ADGRL3: variants seen among roughly 807,000 people sequenced by gnomAD.
ADGRL3 encodes the protein calcium-independent alpha-latrotoxin receptor 3.
ADGRL3 carries 62 observed loss-of-function variants against 153.5 expected under a neutral mutation model. That is an observed-to-expected ratio of 0.40 (90% CI 0.33 to 0.50). The LOEUF (loss-of-function observed/expected upper bound fraction) is 0.50, where lower values mean the gene tolerates loss of function less well. ADGRL3 is among the 20% of genes least tolerant of loss of function. ADGRL3 has a pLI of 0.47. For synonymous variants in ADGRL3, 710 were observed against 672.5 expected (o/e 1.06, Z -0.86); for missense variants, 1,641 against 1,859.4 (o/e 0.88, Z 2.16).
At chr4:61,462,911 G>A (rs2097841007) in intron 2 of ADGRL3, among the ~76,000 whole-genome samples, 3 of 152,248 alleles carry the variant, frequency 2.0e-5, no homozygotes, top group African/African-American at 4.8e-5. Context: ...TTTGGGCCTA[G>A]TCAGAACTGT....
intron 5 of ADGRL3, among the ~76,000 whole-genome samples, chr4:61,618,994 A>T (rs1397861193): frequency 1.3e-5 from 2 of 152,206 alleles, no homozygotes; most frequent in Non-Finnish European, 2.9e-5. Flanking sequence ...CTGGGATTAC[A>T]GGCATGAGCC....
chr4:61,789,265 T>C (rs2097312672), intron 8 of ADGRL3, among the ~76,000 whole-genome samples: 1 of 152,114 alleles, frequency 6.6e-6, no homozygotes, highest in Non-Finnish European at 1.5e-5. Context: ...AGTAAAATCT[T>C]TCTCTCTGTC....
At chr4:61,950,280 TTAA>T (rs1173710388) in intron 17 of ADGRL3, among the ~76,000 whole-genome samples, 3 of 152,014 alleles carry the variant, frequency 2.0e-5, no homozygotes, top group Non-Finnish European at 2.9e-5. Context: ...AGCTATATAG[TTAA>T]TAAGGTAGTG....
chr4:61,442,606 T>C (rs1164710056), intron 2 of ADGRL3, among the ~76,000 whole-genome samples: 1 of 152,076 alleles, frequency 6.6e-6, no homozygotes, highest in East Asian at 1.9e-4. Context: ...TAGAAGAAAA[T>C]AGTACTGTTA....
At chr4:61,266,381 G>T (rs1297460156) in intron 1 of ADGRL3, among the ~76,000 whole-genome samples, 1 of 151,736 alleles carries the variant, frequency 6.6e-6, no homozygotes, top group Non-Finnish European at 1.5e-5. Context: ...TATTCATAAA[G>T]CAGAACAAAC....
intron 4 of ADGRL3, among the ~76,000 whole-genome samples, chr4:61,536,356 A>G (rs1200200045): frequency 1.3e-5 from 2 of 152,010 alleles, no homozygotes; most frequent in Non-Finnish European, 2.9e-5. Context: ...TGTATATTCT[A>G]CATTTGTTGG....
chr4:61,723,480 A>G (rs1203504537), intron 6 of ADGRL3, among the ~76,000 whole-genome samples: 1 of 152,144 alleles, frequency 6.6e-6, no homozygotes, highest in Non-Finnish European at 1.5e-5. Context: ...TGCCCCTTCC[A>G]CAGAAAGCAG....
intron 3 of ADGRL3, among the ~76,000 whole-genome samples, chr4:61,513,251 GTACT>G (rs954240821): frequency 3.9e-5 from 6 of 152,186 alleles, no homozygotes; most frequent in Admixed American, 2.6e-4. Context: ...GTTAGAAACA[GTACT>G]TACTTAATTT....
intron 25 of ADGRL3, among the ~76,000 whole-genome samples, chr4:62,051,311 T>C (rs940429857): frequency 1.3e-5 from 2 of 151,262 alleles, no homozygotes; most frequent in Non-Finnish European, 3.0e-5. Context: ...CAAAATAGGC[T>C]CAGATTTTTT....
At chr4:61,612,886 A>T (rs2091540225) in intron 5 of ADGRL3, among the ~76,000 whole-genome samples, 1 of 152,188 alleles carries the variant, frequency 6.6e-6, no homozygotes, top group African/African-American at 2.4e-5. Flanking sequence ...TGTAACCCCC[A>T]GGGCATAACT....
At chr4:61,492,219 C>CA (rs1235149741) in intron 2 of ADGRL3, among the ~76,000 whole-genome samples, 1 of 151,848 alleles carries the variant, frequency 6.6e-6, no homozygotes, top group African/African-American at 2.4e-5. Flanking sequence ...AGTAAATATG[C>CA]AAAATAAGTT....
At chr4:61,470,502 T>C (rs2097936352) in intron 2 of ADGRL3, among the ~76,000 whole-genome samples, 2 of 151,992 alleles carry the variant, frequency 1.3e-5, no homozygotes, top group Non-Finnish European at 2.9e-5. Flanking sequence ...AAATCTGAGT[T>C]CCTATAATGA....
At chr4:61,599,127 G>C (rs539123487) in intron 5 of ADGRL3, among the ~76,000 whole-genome samples, 1 of 152,248 alleles carries the variant, frequency 6.6e-6, no homozygotes, top group East Asian at 1.9e-4. Flanking sequence ...TTTATACTTA[G>C]GCTCAACAAA....
chr4:61,374,873 T>A (rs1282387651), intron 1 of ADGRL3, among the ~76,000 whole-genome samples: 1 of 150,932 alleles, frequency 6.6e-6, no homozygotes, highest in Non-Finnish European at 1.5e-5. Flanking sequence ...CATTTATTGA[T>A]TTTTTTTTAA....
At chr4:61,898,268 C>T (rs1281057911) in intron 11 of ADGRL3, among the ~76,000 whole-genome samples, 2 of 152,228 alleles carry the variant, frequency 1.3e-5, no homozygotes, top group Admixed American at 6.5e-5. Context: ...TTCTCCACTC[C>T]CTTCTCTCAC....
chr4:61,882,137 T>G (rs927336535), intron 9 of ADGRL3, among the ~76,000 whole-genome samples: 1 of 152,222 alleles, frequency 6.6e-6, no homozygotes, highest in African/African-American at 2.4e-5. Flanking sequence ...TTCGTACTGT[T>G]CGAGGTCAGT....
At chr4:61,374,407 G>A (rs2096579022) in intron 1 of ADGRL3, among the ~76,000 whole-genome samples, 3 of 152,034 alleles carry the variant, frequency 2.0e-5, no homozygotes, top group Admixed American at 1.3e-4. Flanking sequence ...TTGAATTTTA[G>A]TGCAGTGTGC....
intron 4 of ADGRL3, among the ~76,000 whole-genome samples, chr4:61,572,492 G>A (rs1212012919): frequency 6.6e-6 from 1 of 152,004 alleles, no homozygotes; most frequent in Non-Finnish European, 1.5e-5. Flanking sequence ...CATAACATGA[G>A]AAAGGAAACA....
chr4:62,003,821 G>A (rs770514803), intron 21 of ADGRL3, among the ~76,000 whole-genome samples: 1 of 151,974 alleles, frequency 6.6e-6, no homozygotes, highest in Admixed American at 6.6e-5. Flanking sequence ...GAAAGAATTG[G>A]CTCCAGGGGT....
Sources: gnomAD v4.1 joint callset for allele counts (sites outside exome capture counted in the v4.1 genomes callset) on GRCh38, gnomAD v4.1.1 for gene constraint, MANE v1.5 for transcripts, NCBI Gene and HGNC (gene_info 2026-07-23, HGNC 2026-07-21) for gene names.